KCNH7: variants seen among roughly 807,000 people sequenced by gnomAD.
KCNH7 encodes the protein potassium voltage-gated channel subfamily H member 7, also known as voltage-gated inwardly rectifying potassium channel KCNH7.
A neutral mutation model predicts 120.8 loss-of-function variants in KCNH7; 49 were observed. The ratio of observed to expected loss-of-function variants is 0.41; its 90% CI spans 0.32 to 0.51. The LOEUF (loss-of-function observed/expected upper bound fraction) is 0.51. Ranked by LOEUF, KCNH7 falls within the 20% of genes least tolerant of loss-of-function variation. The probability of loss-of-function intolerance (pLI) is 0.38; values close to 1 mark genes in which losing one functional copy is unlikely to be tolerated. For synonymous variants in KCNH7, 547 were observed against 516.1 expected, an observed-to-expected ratio of 1.06 and a Z score of -0.81; for missense variants, 1,097 against 1,446.6, an observed-to-expected ratio of 0.76 and a Z score of 3.92.
chr2:162,769,711 A>G (rs1447433957), intron 2 of KCNH7, among the ~76,000 whole-genome samples: 1 of 152,020 alleles, frequency 6.6e-6, no homozygotes, highest in African/African-American at 2.4e-5. Context: ...AAATACATGC[A>G]TATGTGCACA....
At chr2:162,724,546 C>G (rs1156387028) in intron 2 of KCNH7, among the ~76,000 whole-genome samples, 4 of 149,946 alleles carry the variant, frequency 2.7e-5, no homozygotes, top group African/African-American at 4.9e-5. Flanking sequence ...GTGGCGGGCG[C>G]CTGTAGTCCC....
At chr2:162,631,379 A>T (rs1683762232) in intron 2 of KCNH7, among the ~76,000 whole-genome samples, 1 of 151,980 alleles carries the variant, frequency 6.6e-6, no homozygotes, top group Admixed American at 6.6e-5. Context: ...TCTCCCTGTG[A>T]TGATTGTGTG....
chr2:162,391,853 G>C (rs1413397964), intron 12 of KCNH7, among the ~76,000 whole-genome samples: 1 of 151,960 alleles, frequency 6.6e-6, no homozygotes, highest in Non-Finnish European at 1.5e-5. Flanking sequence ...ATGAACTTCA[G>C]GATAAGGGAT....
intron 2 of KCNH7, among the ~76,000 whole-genome samples, chr2:162,579,037 G>C (rs376110908): frequency 2.1e-4 from 32 of 151,948 alleles, no homozygotes; most frequent in African/African-American, 7.5e-4. Flanking sequence ...CTATGTGTTA[G>C]TGAAATTCAG....
At chr2:162,606,680 A>C (rs1682784155) in intron 2 of KCNH7, among the ~76,000 whole-genome samples, 1 of 152,186 alleles carries the variant, frequency 6.6e-6, no homozygotes, top group Admixed American at 6.5e-5. Flanking sequence ...GATGAGCAAG[A>C]TAAACAGTGT....
chr2:162,753,013 GAAAAGAAA>G (rs1688651829), intron 2 of KCNH7, among the ~76,000 whole-genome samples: 8 of 147,044 alleles, frequency 5.4e-5, no homozygotes, highest in Admixed American at 4.1e-4. Flanking sequence ...GAAAAGAAAA[GAAAAGAAA>G]AGAAAAGAAA....
chr2:162,599,608 AATT>A (rs1195094910), intron 2 of KCNH7, among the ~76,000 whole-genome samples: 1 of 151,626 alleles, frequency 6.6e-6, no homozygotes, highest in Non-Finnish European at 1.5e-5. Context: ...CTACTCTTGT[AATT>A]ATTTATTATT....
chr2:162,635,554 C>CA (rs1245596751), intron 2 of KCNH7, among the ~76,000 whole-genome samples: 2 of 151,982 alleles, frequency 1.3e-5, no homozygotes, highest in African/African-American at 4.8e-5. Flanking sequence ...ATTTTACACC[C>CA]ACCCACACAG....
At chr2:162,515,437 C>T (rs1290011520) in intron 4 of KCNH7, among the ~76,000 whole-genome samples, 4 of 151,764 alleles carry the variant, frequency 2.6e-5, no homozygotes, top group African/African-American at 9.7e-5. Flanking sequence ...CAGGCTAAGT[C>T]AGTAAAATGC....
chr2:162,613,354 A>T (rs2105975556), intron 2 of KCNH7, among the ~76,000 whole-genome samples: 1 of 152,202 alleles, frequency 6.6e-6, no homozygotes, highest in African/African-American at 2.4e-5. Flanking sequence ...ATATTGTCAC[A>T]TAGAATTTTA....
At chr2:162,695,698 C>G (rs892704100) in intron 2 of KCNH7, among the ~76,000 whole-genome samples, 1 of 152,130 alleles carries the variant, frequency 6.6e-6, no homozygotes, top group African/African-American at 2.4e-5. Flanking sequence ...CCAGATATAT[C>G]TTCAAAGCAG....
intron 11 of KCNH7, 134 bp downstream of exon 11, chr2:162,396,606 C>A (rs1280096166): frequency 1.6e-6 from 1 of 637,678 alleles, no homozygotes; most frequent in Non-Finnish European, 2.7e-6. Flanking sequence ...ATTCAGTTGG[C>A]CTTTCCTTCC....
chr2:162,607,543 GAA>G (rs1485815734), intron 2 of KCNH7, among the ~76,000 whole-genome samples: 1 of 152,030 alleles, frequency 6.6e-6, no homozygotes, highest in Admixed American at 6.6e-5. Context: ...TGAAAATTGA[GAA>G]AAATGGCTTA....
intron 2 of KCNH7, among the ~76,000 whole-genome samples, chr2:162,651,222 T>A (rs1684554209): frequency 6.6e-6 from 1 of 152,200 alleles, no homozygotes. Context: ...AAAATAAAAC[T>A]TTTATTTTAG....
At position 162,748,665 on chromosome 2, in the gene KCNH7, T is replaced by C. The variant is rs1008946539; in HGVS notation, c.307+87872A>G. On this transcript the variant is annotated intron_variant, in intron 2 of 15. Transcript: ENST00000332142. ...TTTGCCAGACAGAATGGAATGAATC[T>C]TCTGATATTAGTTTACAAGTTGCTG... Among the ~76,000 whole-genome samples the C allele has an allele frequency of 3.3e-5, 5 of 152,190 alleles. No homozygotes were observed. The East Asian group carries it at 5.8e-4, about 18-fold the overall frequency.
chr2:162,450,015 C>G (rs150293208), intron 6 of KCNH7, among the ~76,000 whole-genome samples: 15 of 151,976 alleles, frequency 9.9e-5, no homozygotes, highest in Non-Finnish European at 1.9e-4. Flanking sequence ...CAACATTTTT[C>G]TCTGTTCTAA....
intron 2 of KCNH7, among the ~76,000 whole-genome samples, chr2:162,572,728 T>A (rs1693526617): frequency 7.1e-6 from 1 of 140,952 alleles, no homozygotes; most frequent in Non-Finnish European, 1.5e-5. Context: ...TAAAAAATGA[T>A]GAGTTCACGT....
rs140501872 is a variant in KCNH7 at position 162,752,902 on chromosome 2, G to GAAAAAAGA, written c.307+83634_307+83635insTCTTTTTT. ...GGCAAAAGAGCAAGACTACATCTCAGAAAAAGAAAAGAAAAGAAAAGAAAA... is the reference window on the plus strand; with the variant it reads ...GGCAAAAGAGCAAGACTACATCTCAGAAAAAAGAAAAAAGAAAAGAAAAGAAAAGAAAA... On this transcript the variant is annotated intron_variant, in intron 2 of 15. Transcript: ENST00000332142. 4.1e-4 allele frequency among the ~76,000 whole-genome samples: 25 copies of GAAAAAAGA among 61,280 alleles called. 1 individual carries two copies. The highest frequency in any genetic ancestry group is 1.3e-3 in the African/African-American group (17 of 12,594). 40.2% of individuals were successfully genotyped at this position (61,280 alleles called of 152,430 possible).
At chr2:162,609,804 G>T (rs1682900418) in intron 2 of KCNH7, among the ~76,000 whole-genome samples, 1 of 152,120 alleles carries the variant, frequency 6.6e-6, no homozygotes, top group African/African-American at 2.4e-5. Flanking sequence ...TCAACAATTT[G>T]AATGGGTGGA....
Sources: allele counts gnomAD v4.1 joint callset (sites outside exome capture counted in the v4.1 genomes callset), GRCh38; gene constraint gnomAD v4.1.1; transcripts MANE v1.5; gene names NCBI Gene and HGNC (gene_info 2026-07-23, HGNC 2026-07-21).